Variants in YES1 observed in about 807,000 individuals in gnomAD.
The protein encoded by YES1 is YES proto-oncogene 1, Src family tyrosine kinase, also known as tyrosine-protein kinase Yes.
Under a neutral mutation model 70.4 loss-of-function variants are expected in YES1, and 39 were observed. The ratio of observed to expected loss-of-function variants is 0.55; its 90% CI spans 0.43 to 0.72. YES1 has a LOEUF of 0.72. YES1 is among the 30% of genes least tolerant of loss of function. The pLI is 0.00. For synonymous variants in YES1, 198 were observed against 218.6 expected (o/e 0.91, Z 0.83); for missense variants, 495 against 644.8 (o/e 0.77, Z 2.52).
At chr18:803,602 AG>A (rs2145838154) in intron 1 of YES1, among the ~76,000 whole-genome samples, 1 of 152,334 alleles carries the variant, frequency 6.6e-6, no homozygotes, top group South Asian at 2.1e-4. Flanking sequence ...GGGGAAACCT[AG>A]GGAAGTTTCT....
At chr18:770,464 A>C (rs1009101230) in intron 1 of YES1, among the ~76,000 whole-genome samples, 6 of 151,980 alleles carry the variant, frequency 3.9e-5, no homozygotes, top group Non-Finnish European at 8.8e-5. Flanking sequence ...ATGTATGTTC[A>C]TTCTAGAATT....
At chr18:794,445 T>C (rs1187990446) in intron 1 of YES1, among the ~76,000 whole-genome samples, 2 of 152,180 alleles carry the variant, frequency 1.3e-5, no homozygotes, top group Admixed American at 6.5e-5. Context: ...TATTTCTAGA[T>C]TGGATTTTGG....
At chr18:737,181 G>A (rs986383117) in intron 9 of YES1, 4 of 453,528 alleles carry the variant, frequency 8.8e-6, no homozygotes, top group Non-Finnish European at 7.8e-6. Context: ...GGCTGGGTGC[G>A]GTGGCCCACA....
chr18:747,990 T>A lies in YES1; in HGVS notation c.400A>T (p.Ile134Phe), dbSNP rs758401112. The A allele has an allele frequency of 1.9e-6, 3 of 1,613,958 alleles. No individual in the cohort carries two copies. The highest frequency in any genetic ancestry group is 4.5e-5 in the East Asian group (2 of 44,852). ...ATATAACCATTCTTTCCTGTAGCGA[T>A]TGATCTTGCTTCCCACCAATCTCCT... ...TEGDWWEARS[I>F]ATGKNGYIPS... Residue 134 changes from isoleucine (I) to phenylalanine (F), a missense_variant, in exon 4 of 12, where the codon ATC (isoleucine) becomes TTC (phenylalanine). Transcript: ENST00000314574.
intron 11 of YES1, among the ~76,000 whole-genome samples, chr18:729,292 G>A (rs1008251105): frequency 2.6e-5 from 4 of 152,052 alleles, no homozygotes; most frequent in South Asian, 4.1e-4. Context: ...GCTCACGCCT[G>A]TAATCTCAGC....
intron 3 of YES1, among the ~76,000 whole-genome samples, chr18:748,510 G>C (rs1370775714): frequency 2.6e-5 from 4 of 151,898 alleles, no homozygotes; most frequent in Non-Finnish European, 5.9e-5. Flanking sequence ...ACCCCCAAAA[G>C]AAACTCTGTA....
intron 1 of YES1, among the ~76,000 whole-genome samples, chr18:776,925 A>C (rs1399319036): frequency 6.6e-6 from 1 of 152,112 alleles, no homozygotes; most frequent in Non-Finnish European, 1.5e-5. Flanking sequence ...TCCCCAACTT[A>C]CTTTTCTAAT....
chr18:738,604 T>C (rs1345560369), intron 9 of YES1: 7 of 148,986 alleles, frequency 4.7e-5, no homozygotes, highest in East Asian at 2.0e-4. Context: ...GCGGGAGAAT[T>C]GTGTGAACCT....
Position 799,910 on chromosome 18 carries a change from CA to C in YES1, c.-9+12203del, listed in dbSNP as rs573516522. 6.8e-4 allele frequency among the ~76,000 whole-genome samples: 95 copies of C among 140,324 alleles called. 1 individual carries two copies. The highest frequency in any genetic ancestry group is 1.7e-3 in the African/African-American group (64 of 37,454). 92.1% of individuals were successfully genotyped at this position (140,324 alleles called of 152,430 possible). A position where few individuals can be genotyped will look rare whatever the true frequency, so the allele number is the denominator to read the frequency against. Reference sequence around the variant, plus strand: ...AAAACAAACAAACAAAAACAAAAAACAAAAAAAAAAGAAGGTATGATTGCTG... The same window carrying C: ...AAAACAAACAAACAAAAACAAAAAACAAAAAAAAAGAAGGTATGATTGCTG... On this transcript the variant is annotated intron_variant, in intron 1 of 11. Transcript: ENST00000314574.
At chr18:763,648 G>A (rs569383359) in intron 1 of YES1, among the ~76,000 whole-genome samples, 2 of 145,312 alleles carry the variant, frequency 1.4e-5, no homozygotes, top group African/African-American at 2.5e-5. Flanking sequence ...AGGCTGCAGT[G>A]AGCTGTGATC....
At position 747,989 on chromosome 18, in the gene YES1, A is replaced by T. The variant is rs374650269; in HGVS notation, c.401T>A (p.Ile134Asn). ...TEGDWWEARS[I>N]ATGKNGYIPS... ...GATATAACCATTCTTTCCTGTAGCG[A>T]TTGATCTTGCTTCCCACCAATCTCC... is the stretch of plus-strand genomic sequence containing the variant. Residue 134 changes from isoleucine (I) to asparagine (N), a missense_variant, in exon 4 of 12, where the codon ATC (isoleucine) becomes AAC (asparagine). Coordinates refer to ENST00000314574, the MANE Select transcript of YES1 (RefSeq NM_005433.4). 24 of 1,613,816 alleles carry T rather than the reference A, an allele frequency of 1.5e-5. 1 individual carries two copies. The South Asian group carries it at 2.0e-4, about 13-fold the overall frequency.
At chr18:739,623 TA>T in intron 9 of YES1, 111 bp downstream of exon 9, 1 of 871,002 alleles carries the variant, frequency 1.1e-6, no homozygotes, top group South Asian at 2.5e-5. Flanking sequence ...AAATAAAAAA[TA>T]AAAATAAAAT....
chr18:768,057 T>C (rs1904991633), intron 1 of YES1, among the ~76,000 whole-genome samples: 1 of 152,194 alleles, frequency 6.6e-6, no homozygotes, highest in South Asian at 2.1e-4. Context: ...AGCAAATTTA[T>C]TCTGTAAAAT....
At chr18:774,312 A>T (rs1905279006) in intron 1 of YES1, among the ~76,000 whole-genome samples, 1 of 152,174 alleles carries the variant, frequency 6.6e-6, no homozygotes, top group African/African-American at 2.4e-5. Context: ...TTATATCTTT[A>T]AATACCACCT....
At chr18:748,071 A>G in intron 3 of YES1, 53 bp from the exon 4 acceptor site, 2 of 1,470,096 alleles carry the variant, frequency 1.4e-6, no homozygotes, top group Non-Finnish European at 1.9e-6. Flanking sequence ...CCCAAGGTAC[A>G]ATATATTGCA....
In YES1 at chr18:742,838, A is replaced by C. The variant is rs1014462100; in HGVS notation, c.1060+80T>G. The stretch of plus-strand genomic sequence containing the variant: ...ACATAAAAATCTTAAATTAGAAAAC[A>C]GTATAAGTCTATATGCATACAAATC... On this transcript the variant is annotated intron_variant, in intron 8 of 11. Transcript: ENST00000314574. The C allele has an allele frequency of 8.0e-6, 9 of 1,129,826 alleles. No individual in the cohort carries two copies. The Admixed American group carries it at 2.8e-4, about 35-fold the overall frequency. The allele number at this position is 1,129,826 out of a possible 1,614,324, so 70.0% of individuals were successfully genotyped here.
intron 1 of YES1, among the ~76,000 whole-genome samples, chr18:765,839 G>A (rs1424344771): frequency 1.3e-5 from 2 of 152,264 alleles, no homozygotes; most frequent in South Asian, 4.1e-4. Flanking sequence ...TTAGTAATTT[G>A]GAGCTCACTG....
intron 2 of YES1, 74 bp from the exon 3 acceptor site, chr18:751,878 G>GA: frequency 2.5e-6 from 2 of 804,362 alleles, no homozygotes; most frequent in Non-Finnish European, 2.0e-6. Context: ...ACTATTGCCA[G>GA]CCAAAAAAAA....
chr18:754,459 C>A (rs2080380280), intron 2 of YES1, among the ~76,000 whole-genome samples: 1 of 152,158 alleles, frequency 6.6e-6, no homozygotes, highest in Non-Finnish European at 1.5e-5. Context: ...GTAATCCCAG[C>A]ACTTTGGGAG....
Sources: gnomAD v4.1 joint callset for allele counts (sites outside exome capture counted in the v4.1 genomes callset) on GRCh38, gnomAD v4.1.1 for gene constraint, MANE v1.5 for transcripts, NCBI Gene and HGNC (gene_info 2026-07-23, HGNC 2026-07-21) for gene names.